Variants in ALB observed in about 807,000 individuals in gnomAD.
ALB encodes the protein serum albumin.
Under a neutral mutation model 74.5 loss-of-function variants are expected in ALB, and 37 were observed. The ratio of observed to expected loss-of-function variants is 0.50; its 90% CI spans 0.38 to 0.65. ALB has a LOEUF of 0.65. Ranked by LOEUF, ALB falls within the 30% of genes least tolerant of loss-of-function variation. The pLI is 0.00. For synonymous variants in ALB, 249 were observed against 251.6 expected, an observed-to-expected ratio of 0.99 and a Z score of 0.10; for missense variants, 685 against 718.7, an observed-to-expected ratio of 0.95 and a Z score of 0.54.
At position 73,412,015 on chromosome 4, in the gene ALB, C is replaced by T; in HGVS notation, c.733C>T (p.Gln245Ter). Residue 245 changes from glutamine to a stop codon, truncating the protein, a stop_gained, in exon 7 of 15, where the codon CAG becomes TAG. Transcript: ENST00000295897. LOFTEE classifies it high-confidence loss of function. Reference protein sequence around the residue: ...FKAWAVARLSQRFPKAEFAEV... With the variant: ...FKAWAVARLS ...TTTTAGGGCAGTAGCTCGCCTGAGC[C>T]AGAGATTTCCCAAAGCTGAGTTTGC... 1 of 1,614,148 alleles carries T rather than the reference C, an allele frequency of 6.2e-7. No individual in the cohort carries two copies. The highest frequency in any genetic ancestry group is 8.5e-7 in the Non-Finnish European group (1 of 1,180,024).
chr4:73,410,337 A>G lies in ALB; in HGVS notation c.641A>G (p.Lys214Arg). The change falls in exon 6 of 15, where the codon AAG becomes AGG. Residue 214 changes from lysine to arginine, a missense_variant. Physicochemically the swap from Lys to Arg is conservative, Grantham distance 26. Transcript: ENST00000295897. Reference protein sequence around the residue: ...PKLDELRDEGKASSAKQRLKC... With the variant: ...PKLDELRDEGRASSAKQRLKC... The stretch of plus-strand genomic sequence containing the variant: ...CTCGATGAACTTCGGGATGAAGGGA[A>G]GGCTTCGTCTGCCAAACAGAGACTC... 1 of 1,613,858 alleles carries G rather than the reference A, an allele frequency of 6.2e-7. No homozygotes were observed. Among genetic ancestry groups the G allele is most frequent in the African/African-American group, 1.3e-5 (1 of 75,048 alleles).
intron 13 of ALB, 90 bp downstream of exon 13, chr4:73,419,729 G>A: frequency 6.8e-7 from 1 of 1,472,392 alleles, no homozygotes; most frequent in Non-Finnish European, 9.5e-7. Context: ...TATCAAAGGA[G>A]GCTTTGTACA....
rs902747502 is a variant in ALB, at chr4:73,421,107, A to T, written c.*39A>T. The stretch of plus-strand genomic sequence containing the variant: ...TGTTTTTCAGCCTACCATGAGAATA[A>T]GAGAAAGAAAATGAAGATCAAAAGC... On this transcript the variant is annotated 3_prime_UTR_variant, in exon 15 of 15. Transcript: ENST00000295897. The T allele has an allele frequency of 8.6e-6, 6 of 694,036 alleles. No homozygotes were observed. In the African/African-American group the frequency reaches 1.1e-4, roughly 12 times the overall value. The allele number at this position is 694,036 out of a possible 1,614,324, so 43.0% of individuals were successfully genotyped here.
At position 73,409,484 on chromosome 4, in the gene ALB, A is replaced by G. The variant is rs58639526; in HGVS notation, c.612A>G (p.Pro204=). The change falls in exon 5 of 15, where the codon CCA becomes CCG. Residue 204 remains proline, a synonymous_variant. Coordinates refer to ENST00000295897, the MANE Select transcript of ALB (RefSeq NM_000477.7). ...QAADKAACLL[P]KLDELRDEGK... ...CTGATAAAGCTGCCTGCCTGTTGCCAAAGGTATTATGCAAAAGAATAGAAA... is the reference window on the plus strand; with the variant it reads ...CTGATAAAGCTGCCTGCCTGTTGCCGAAGGTATTATGCAAAAGAATAGAAA... 4,471 of 1,613,962 alleles carry G rather than the reference A, an allele frequency of 2.8e-3. 10 individuals are homozygous for G. The highest frequency in any genetic ancestry group is 3.5e-3 in the Non-Finnish European group (4,083 of 1,179,840).
At chr4:73,409,171 ACTTAACCCTTTTTTC>A in intron 4 of ALB, 169 bp from the exon 5 acceptor site, 1 of 693,556 alleles carries the variant, frequency 1.4e-6, no homozygotes, top group Non-Finnish European at 2.4e-6. Flanking sequence ...ACACACACAC[ACTTAACCCTTTTTTC>A]CACATACTTA....
At chr4:73,414,699 C>T (rs1366643714) in intron 8 of ALB, among the ~76,000 whole-genome samples, 1 of 152,136 alleles carries the variant, frequency 6.6e-6, no homozygotes, top group Non-Finnish European at 1.5e-5. Flanking sequence ...TGGTGATATG[C>T]CTGCCTCAGC....
intron 9 of ALB, among the ~76,000 whole-genome samples, chr4:73,415,955 A>G (rs1719001166): frequency 6.6e-6 from 1 of 152,160 alleles, no homozygotes; most frequent in Non-Finnish European, 1.5e-5. Flanking sequence ...TATTTTAGGG[A>G]TAAGGATTCT....
intron 12 of ALB, among the ~76,000 whole-genome samples, chr4:73,419,095 A>G (rs1014787324): frequency 2.0e-5 from 3 of 152,130 alleles, no homozygotes; most frequent in African/African-American, 7.2e-5. Flanking sequence ...AAAGTCCAAG[A>G]TAATTAAATT....
At chr4:73,413,312 T>A in intron 7 of ALB, 108 bp from the exon 8 acceptor site, 1 of 1,028,764 alleles carries the variant, frequency 9.7e-7, no homozygotes, top group Non-Finnish European at 1.5e-6. Context: ...GGAATATGTG[T>A]ATGGTCTTAG....
At chr4:73,405,740 G>A (rs905233265) in intron 2 of ALB, among the ~76,000 whole-genome samples, 31 of 151,912 alleles carry the variant, frequency 2.0e-4, no homozygotes, top group African/African-American at 5.3e-4. Context: ...ACAGGCGCCC[G>A]CCATCACGCC....
At chr4:73,417,917 C>T (rs552786829) in intron 11 of ALB, 171 bp from the exon 12 acceptor site, 53 of 732,676 alleles carry the variant, frequency 7.2e-5, no homozygotes, top group African/African-American at 3.5e-4. Flanking sequence ...GGTGCCATCT[C>T]GGCTCACTGC....
chr4:73,405,517 T>C (rs541227990), intron 2 of ALB, among the ~76,000 whole-genome samples: 3 of 152,214 alleles, frequency 2.0e-5, no homozygotes, highest in Non-Finnish European at 2.9e-5. Context: ...GACTTTAATA[T>C]AGGTTTCCTT....
At chr4:73,420,878 G>A (rs769323640) in intron 14 of ALB, 15 of 445,526 alleles carry the variant, frequency 3.4e-5, no homozygotes, top group African/African-American at 6.1e-5. Flanking sequence ...AGCTTTAATA[G>A]GACTTATCTT....
chr4:73,410,812 T>C (rs1356263301), intron 6 of ALB, among the ~76,000 whole-genome samples: 1 of 152,182 alleles, frequency 6.6e-6, no homozygotes, highest in African/African-American at 2.4e-5. Context: ...ATTTACGGGG[T>C]ATATGAGATA....
At chr4:73,419,748 AG>A (rs1719101590) in intron 13 of ALB, 109 bp downstream of exon 13, 1 of 1,320,236 alleles carries the variant, frequency 7.6e-7, no homozygotes, top group East Asian at 2.3e-5. Context: ...CATGTGGGAC[AG>A]GGATCTTATT....
At chr4:73,409,531 T>C in intron 5 of ALB, 44 bp downstream of exon 5, 4 of 1,613,020 alleles carry the variant, frequency 2.5e-6, no homozygotes, top group Non-Finnish European at 3.4e-6. Context: ...TTATCCAACC[T>C]GATTTTGTCC....
rs752053499 is a variant in ALB at position 73,413,617 on chromosome 4, G to T, written c.1041G>T (p.Lys347Asn). The change falls in exon 8 of 15, where the codon AAG (lysine) becomes AAT (asparagine). Residue 347 changes from lysine (K) to asparagine (N), a missense_variant. Transcript: ENST00000295897. ...KDVCKNYAEA[K>N]DVFLGMFLYE... The stretch of plus-strand genomic sequence containing the variant: ...TTTGCAAAAACTATGCTGAGGCAAA[G>T]GATGTCTTCCTGGGCATGTAAGTAG... The T allele has an allele frequency of 2.5e-6, 4 of 1,613,898 alleles. No individual in the cohort carries two copies. Among genetic ancestry groups the T allele is most frequent in the Non-Finnish European group, 3.4e-6 (4 of 1,179,940 alleles).
chr4:73,416,349 A>G lies in ALB; in HGVS notation c.1285A>G (p.Asn429Asp), dbSNP rs1487823634. The change falls in exon 10 of 15, where the codon AAT becomes GAT. Residue 429 changes from asparagine to aspartate, a missense_variant. Transcript: ENST00000295897. ...GCAGCTTGGAGAGTACAAATTCCAGAATGCGTAAGTAATTTTTATTGACTG... is the reference window on the plus strand; with the variant it reads ...GCAGCTTGGAGAGTACAAATTCCAGGATGCGTAAGTAATTTTTATTGACTG... ...FEQLGEYKFQ[N>D]ALLVRYTKKV... The G allele has an allele frequency of 6.2e-7, 1 of 1,611,638 alleles. No individual in the cohort carries two copies. Among genetic ancestry groups the G allele is most frequent in the Admixed American group, 1.7e-5 (1 of 59,874 alleles).
rs1343133891 is a variant in ALB, at chr4:73,406,653, T to C, written c.162T>C (p.Tyr54=). ...GGGTGTTGATTGCCTTTGCTCAGTATCTTCAGCAGTGTCCATTTGAAGATC... is the reference window on the plus strand; with the variant it reads ...GGGTGTTGATTGCCTTTGCTCAGTACCTTCAGCAGTGTCCATTTGAAGATC... ...KALVLIAFAQ[Y]LQQCPFEDHV... is the part of the protein sequence containing the mutation. The change falls in exon 3 of 15, where the codon TAT becomes TAC. Residue 54 remains tyrosine, a synonymous_variant. Transcript: ENST00000295897. The C allele has an allele frequency of 2.5e-6, 4 of 1,613,796 alleles. No individual in the cohort carries two copies. The highest frequency in any genetic ancestry group is 3.4e-6 in the Non-Finnish European group (4 of 1,179,954).
Sources: gnomAD v4.1 joint callset for allele counts (sites outside exome capture counted in the v4.1 genomes callset) on GRCh38, gnomAD v4.1.1 for gene constraint, MANE v1.5 for transcripts, NCBI Gene and HGNC (gene_info 2026-07-23, HGNC 2026-07-21) for gene names.